Variants in VWA8 observed in about 807,000 individuals in gnomAD.
VWA8 encodes the protein von Willebrand factor A domain containing 8, also known as von Willebrand factor A domain-containing protein 8.
A neutral mutation model predicts 241.5 loss-of-function variants in VWA8; 221 were observed. The observed-to-expected ratio is 0.91, with a 90% CI of 0.82 to 1.02. The LOEUF is 1.02. VWA8 is among the 50% of genes least tolerant of loss of function. VWA8 has a pLI of 0.00. For missense variants in VWA8, 2,322 were observed against 2,328.7 expected (o/e 1.00, Z 0.06); for synonymous variants, 852 against 827.1 (o/e 1.03, Z -0.52).
At chr13:41,676,105 A>G (rs189022000) in intron 35 of VWA8, among the ~76,000 whole-genome samples, 7 of 152,272 alleles carry the variant, frequency 4.6e-5, no homozygotes, top group African/African-American at 1.7e-4. Context: ...ATCATGTTAT[A>G]CGGAGCTATT....
At chr13:41,605,372 T>C in intron 39 of VWA8, 96 bp from the exon 40 acceptor site, 2 of 1,168,612 alleles carry the variant, frequency 1.7e-6, no homozygotes, top group South Asian at 2.5e-5. Context: ...AGCAAACTCC[T>C]TGGAAACTCA....
chr13:41,630,849 G>A (rs73464985), intron 37 of VWA8, among the ~76,000 whole-genome samples: 5,037 of 152,212 alleles, frequency 0.033, 282 homozygotes, highest in African/African-American at 0.11. Context: ...AAATAAATAT[G>A]TATTGAATGC....
chr13:41,810,814 GGC>G (rs1478828963), intron 17 of VWA8, among the ~76,000 whole-genome samples: 2 of 152,000 alleles, frequency 1.3e-5, no homozygotes, highest in African/African-American at 4.8e-5. Flanking sequence ...TGATAGATAT[GGC>G]ATTCACCCTG....
intron 40 of VWA8, among the ~76,000 whole-genome samples, chr13:41,593,559 A>T (rs139172413): frequency 7.2e-4 from 109 of 152,312 alleles, no homozygotes; most frequent in African/African-American, 2.6e-3. Flanking sequence ...CCCTCCCTGC[A>T]CCAGTGATTG....
At chr13:41,746,246 T>C (rs769281429) in intron 21 of VWA8, among the ~76,000 whole-genome samples, 24 of 152,386 alleles carry the variant, frequency 1.6e-4, no homozygotes, top group Non-Finnish European at 1.6e-4. Context: ...GGAATGTAGC[T>C]GTTCTCTAGT....
intron 23 of VWA8, among the ~76,000 whole-genome samples, chr13:41,728,417 T>C (rs1314768412): frequency 6.6e-6 from 1 of 152,092 alleles, no homozygotes; most frequent in African/African-American, 2.4e-5. Flanking sequence ...AGTGCTCTTG[T>C]TCAAAATGTC....
intron 21 of VWA8, among the ~76,000 whole-genome samples, chr13:41,732,790 T>C (rs1353911319): frequency 6.6e-6 from 1 of 152,350 alleles, no homozygotes; most frequent in East Asian, 1.9e-4. Flanking sequence ...TTCAAAAATA[T>C]TAACAGTTGG....
chr13:41,901,237 C>G (rs1875410626), intron 4 of VWA8, among the ~76,000 whole-genome samples: 1 of 151,704 alleles, frequency 6.6e-6, no homozygotes, highest in Admixed American at 6.6e-5. Context: ...CTGGCCTCCT[C>G]AAGGGTTGGA....
At chr13:41,835,729 T>C in intron 12 of VWA8, among the ~76,000 whole-genome samples, 1 of 152,300 alleles carries the variant, frequency 6.6e-6, no homozygotes, top group East Asian at 1.9e-4. Context: ...CATGTGCATA[T>C]AAATATATAT....
chr13:41,672,415 A>G (rs572096959), intron 36 of VWA8, among the ~76,000 whole-genome samples: 2 of 152,302 alleles, frequency 1.3e-5, no homozygotes, highest in East Asian at 3.9e-4. Flanking sequence ...GATACAGATT[A>G]TAAATTCCTA....
intron 21 of VWA8, among the ~76,000 whole-genome samples, chr13:41,758,415 TATATATATATATATAC>T (rs2045713150): frequency 1.4e-5 from 1 of 69,512 alleles, no homozygotes; most frequent in Non-Finnish European, 3.3e-5. Context: ...TATATATATA[TATATATATATATATAC>T]GCTAGTATAT....
At chr13:41,640,201 A>T (rs1015518656) in intron 37 of VWA8, among the ~76,000 whole-genome samples, 1 of 152,236 alleles carries the variant, frequency 6.6e-6, no homozygotes, top group African/African-American at 2.4e-5. Context: ...AGTCTGTGAC[A>T]GTCTATTCAC....
chr13:41,576,896 G>GC (rs1349241184), intron 42 of VWA8, among the ~76,000 whole-genome samples: 1 of 152,198 alleles, frequency 6.6e-6, no homozygotes, highest in East Asian at 1.9e-4. Flanking sequence ...GTTGGCTCTG[G>GC]CCCACCCCAT....
At chr13:41,709,367 G>A (rs895442856) in intron 26 of VWA8, among the ~76,000 whole-genome samples, 7 of 152,194 alleles carry the variant, frequency 4.6e-5, no homozygotes, top group Middle Eastern at 3.4e-3. Flanking sequence ...CATCACCTGG[G>A]TTACTGCAAC....
At chr13:41,607,811 CATTCA>C (rs1201151016) in intron 39 of VWA8, among the ~76,000 whole-genome samples, 1 of 152,012 alleles carries the variant, frequency 6.6e-6, no homozygotes, top group Non-Finnish European at 1.5e-5. Flanking sequence ...TTATTTCAGC[CATTCA>C]ATTCATTTTC....
At chr13:41,709,874 T>G (rs903401013) in intron 26 of VWA8, among the ~76,000 whole-genome samples, 1 of 151,822 alleles carries the variant, frequency 6.6e-6, no homozygotes, top group Non-Finnish European at 1.5e-5. Flanking sequence ...CTTGAACTTA[T>G]GGGCTCAAGG....
chr13:41,916,213 C>T (rs1381088285), intron 2 of VWA8, among the ~76,000 whole-genome samples: 3 of 152,180 alleles, frequency 2.0e-5, no homozygotes, highest in Non-Finnish European at 4.4e-5. Flanking sequence ...ATACTCATTA[C>T]TCCCATTTTA....
chr13:41,608,742 T>A (rs533124268), intron 39 of VWA8, among the ~76,000 whole-genome samples: 23 of 152,306 alleles, frequency 1.5e-4, no homozygotes, highest in African/African-American at 5.1e-4. Flanking sequence ...ATGTACCTCA[T>A]TGTCTATTTC....
intron 5 of VWA8, 55 bp from the exon 6 acceptor site, chr13:41,887,416 T>A: frequency 1.3e-6 from 2 of 1,547,122 alleles, no homozygotes; most frequent in East Asian, 2.3e-5. Flanking sequence ...ATCACAACTG[T>A]AAGAGCTGCC....
Sources: allele counts gnomAD v4.1 joint callset (sites outside exome capture counted in the v4.1 genomes callset), GRCh38; gene constraint gnomAD v4.1.1; transcripts MANE v1.5; gene names NCBI Gene and HGNC (gene_info 2026-07-23, HGNC 2026-07-21).